REEP3: variants seen among roughly 807,000 people sequenced by gnomAD.
REEP3 encodes receptor expression-enhancing protein 3.
A neutral mutation model predicts 41.3 loss-of-function variants in REEP3; 20 were observed. The observed-to-expected ratio is 0.48, with a 90% CI of 0.34 to 0.70. The LOEUF (loss-of-function observed/expected upper bound fraction) is 0.70, where lower values mean the gene tolerates loss of function less well. Among genes scored for constraint, REEP3 ranks in the 30% least tolerant of loss-of-function variants. The probability of loss-of-function intolerance (pLI) is 0.01; values close to 1 mark genes in which losing one functional copy is unlikely to be tolerated. For missense variants in REEP3, 271 were observed against 308.8 expected (o/e 0.88, Z 0.92); for synonymous variants, 104 against 101.8 (o/e 1.02, Z -0.13).
chr10:63,598,978 T>C (rs1035724527), intron 4 of REEP3, among the ~76,000 whole-genome samples, 192 bp from the exon 5 acceptor site: 3 of 151,952 alleles, frequency 2.0e-5, no homozygotes, highest in Non-Finnish European at 4.4e-5. Flanking sequence ...TATTGTCCCA[T>C]GCCACTGCAT....
In REEP3 at chr10:63,537,990, A is replaced by G. The variant is rs1955491310; in HGVS notation, c.32+16413A>G. On this transcript the variant is annotated intron_variant, in intron 1 of 7. Transcript: ENST00000373758. ...CCCCATTGATTTCTTGTCTATTCAG[A>G]TAACAGTTGTTTTCTTGTCTATTCA... Among the ~76,000 whole-genome samples, 3 of 137,974 alleles carry G rather than the reference A, an allele frequency of 2.2e-5. No individual in the cohort carries two copies. The South Asian group carries it at 7.7e-4, about 35-fold the overall frequency. The allele number at this position is 137,974 out of a possible 152,430, so 90.5% of individuals were successfully genotyped here.
At chr10:63,612,400 G>A (rs1956283165) in intron 6 of REEP3, among the ~76,000 whole-genome samples, 1 of 151,978 alleles carries the variant, frequency 6.6e-6, no homozygotes, top group Non-Finnish European at 1.5e-5. Context: ...TCAAACTCCT[G>A]GGCTCAAGCA....
chr10:63,556,522 G>T (rs1214412859), intron 1 of REEP3, among the ~76,000 whole-genome samples: 1 of 141,832 alleles, frequency 7.1e-6, no homozygotes, highest in African/African-American at 2.4e-5. Flanking sequence ...AGAAAAATTT[G>T]CCCTCTCTCT....
At chr10:63,594,632 C>T (rs772066819) in intron 2 of REEP3, 146 bp from the exon 3 acceptor site, 23 of 595,830 alleles carry the variant, frequency 3.9e-5, no homozygotes, top group Non-Finnish European at 5.7e-5. Flanking sequence ...TCACTTTCTG[C>T]GTTTGACCCA....
chr10:63,603,355 A>G (rs1274705208), intron 5 of REEP3, among the ~76,000 whole-genome samples: 1 of 150,412 alleles, frequency 6.6e-6, no homozygotes, highest in Non-Finnish European at 1.5e-5. Flanking sequence ...ATTACCCTTC[A>G]TTATTAAAAT....
chr10:63,554,807 T>C (rs1955662474), intron 1 of REEP3, among the ~76,000 whole-genome samples: 1 of 152,208 alleles, frequency 6.6e-6, no homozygotes, highest in Non-Finnish European at 1.5e-5. Context: ...CACAGGATGC[T>C]GAGTTACTGG....
intron 1 of REEP3, among the ~76,000 whole-genome samples, chr10:63,537,832 T>G (rs1203896996): frequency 6.6e-6 from 1 of 152,194 alleles, no homozygotes; most frequent in African/African-American, 2.4e-5. Flanking sequence ...AGGCTGTCTC[T>G]TGTCCTTTCT....
chr10:63,620,920 T>C lies in REEP3; in HGVS notation c.*51T>C. ...ACAGATTATGCTAAATACATCGACTTCATCTTCTAACATGATATATTCAGG... is the reference window on the plus strand; with the variant it reads ...ACAGATTATGCTAAATACATCGACTCCATCTTCTAACATGATATATTCAGG... On this transcript the variant is annotated 3_prime_UTR_variant, in exon 8 of 8. Transcript: ENST00000373758. 1 of 1,133,118 alleles carries C rather than the reference T, an allele frequency of 8.8e-7. No individual in the cohort carries two copies. The highest frequency in any genetic ancestry group is 1.3e-6 in the Non-Finnish European group (1 of 766,122). The allele number at this position is 1,133,118 out of a possible 1,614,324, so 70.2% of individuals were successfully genotyped here. A position where few individuals can be genotyped will look rare whatever the true frequency, so the allele number is the denominator to read the frequency against.
intron 5 of REEP3, among the ~76,000 whole-genome samples, chr10:63,603,918 T>C (rs1038234827): frequency 8.5e-5 from 13 of 152,206 alleles, no homozygotes; most frequent in South Asian, 2.1e-4. Flanking sequence ...AACCAGACAC[T>C]TCATACTGAA....
chr10:63,524,935 C>CT (rs1955346300), intron 1 of REEP3, among the ~76,000 whole-genome samples: 1 of 151,954 alleles, frequency 6.6e-6, no homozygotes, highest in Non-Finnish European at 1.5e-5. Flanking sequence ...TCACTTGAAC[C>CT]CTGGAGGCAA....
intron 2 of REEP3, among the ~76,000 whole-genome samples, chr10:63,585,715 G>A (rs1955999685): frequency 6.6e-6 from 1 of 151,954 alleles, no homozygotes; most frequent in African/African-American, 2.4e-5. Flanking sequence ...CTATCATAAT[G>A]TCTCACTGGT....
At chr10:63,612,960 C>T (rs777297847) in intron 6 of REEP3, among the ~76,000 whole-genome samples, 77 of 152,028 alleles carry the variant, frequency 5.1e-4, no homozygotes, top group Non-Finnish European at 4.7e-4. Context: ...AATAAAAACA[C>T]GTTTATAAAT....
intron 2 of REEP3, among the ~76,000 whole-genome samples, chr10:63,568,566 C>T (rs113803069): frequency 0.086 from 13,095 of 151,518 alleles, 800 homozygotes; most frequent in Non-Finnish European, 0.14. Flanking sequence ...TGTGCCCTGC[C>T]GACTAATACT....
intron 1 of REEP3, among the ~76,000 whole-genome samples, chr10:63,525,883 A>T (rs114234840): frequency 2.4e-3 from 369 of 152,312 alleles, no homozygotes; most frequent in African/African-American, 7.7e-3. Flanking sequence ...ATCAAGATAA[A>T]AGCCAGATTG....
chr10:63,528,635 G>A (rs1326527475), intron 1 of REEP3, among the ~76,000 whole-genome samples: 1 of 152,140 alleles, frequency 6.6e-6, no homozygotes, highest in Non-Finnish European at 1.5e-5. Flanking sequence ...AGGTCCTTAT[G>A]ATGGTCTACA....
intron 2 of REEP3, among the ~76,000 whole-genome samples, chr10:63,571,318 C>T (rs922254192): frequency 6.6e-6 from 1 of 152,180 alleles, no homozygotes; most frequent in Non-Finnish European, 1.5e-5. Context: ...AATTTATTCT[C>T]TTACAGTCCT....
chr10:63,613,289 C>T (rs1354807669), intron 6 of REEP3, among the ~76,000 whole-genome samples: 2 of 152,154 alleles, frequency 1.3e-5, no homozygotes, highest in Admixed American at 6.5e-5. Context: ...GGATTACAGG[C>T]GTGAGCCACT....
At chr10:63,604,663 A>T (rs1469685687) in intron 5 of REEP3, among the ~76,000 whole-genome samples, 2 of 152,178 alleles carry the variant, frequency 1.3e-5, no homozygotes, top group Non-Finnish European at 1.5e-5. Flanking sequence ...AAAAAAAGGG[A>T]AGAATGTTTG....
intron 5 of REEP3, among the ~76,000 whole-genome samples, chr10:63,603,267 C>G (rs563493024): frequency 3.7e-4 from 49 of 132,608 alleles, no homozygotes; most frequent in African/African-American, 1.3e-3. Flanking sequence ...GAGCCGAGAT[C>G]GCGCCACTGC....
Sources: gnomAD v4.1 joint callset for allele counts (sites outside exome capture counted in the v4.1 genomes callset) on GRCh38, gnomAD v4.1.1 for gene constraint, MANE v1.5 for transcripts, NCBI Gene and HGNC (gene_info 2026-07-23, HGNC 2026-07-21) for gene names.